The following MYO18A variants were observed in gnomAD, a reference collection of about 807,000 sequenced individuals.
MYO18A encodes the protein unconventional myosin-XVIIIa.
MYO18A carries 78 observed loss-of-function variants against 235.8 expected under a neutral mutation model. The observed-to-expected ratio is 0.33, with a 90% CI of 0.28 to 0.40. The LOEUF (loss-of-function observed/expected upper bound fraction) is 0.40. MYO18A is among the 10% of genes least tolerant of loss of function. The probability of loss-of-function intolerance (pLI) is 1.00; values close to 1 mark genes in which losing one functional copy is unlikely to be tolerated. For synonymous variants in MYO18A, 977 were observed against 1,077.8 expected (o/e 0.91, Z 1.83); for missense variants, 2,215 against 2,699.3 (o/e 0.82, Z 3.98).
intron 2 of MYO18A, among the ~76,000 whole-genome samples, chr17:29,154,272 T>C (rs1357005007): frequency 1.3e-5 from 2 of 152,044 alleles, no homozygotes; most frequent in Non-Finnish European, 2.9e-5. Flanking sequence ...GAGAGGCGTG[T>C]AGACAGGCCT....
In MYO18A at chr17:29,090,876, G is replaced by A. The variant is rs2066381555; in HGVS notation, c.5238C>T (p.Asn1746=). The change falls in exon 35 of 42, where the codon AAC becomes AAT. Residue 1746 remains asparagine (N), a synonymous_variant. Coordinates refer to ENST00000527372, the MANE Select transcript of MYO18A (RefSeq NM_078471.4). ...TGTCTTCCTGATCTTCCTCCAGCCG[G>A]TTCTGGATCTCATTCTTCTCACGCT... ...RLQREKNEIQ[N]RLEEDQEDMN... 11 of 1,613,932 alleles carry A rather than the reference G, an allele frequency of 6.8e-6. No homozygotes were observed. In the East Asian group the frequency reaches 2.2e-4, roughly 33 times the overall value.
At chr17:29,078,796 C>T (rs2066046306) in intron 41 of MYO18A, 2 of 152,278 alleles carry the variant, frequency 1.3e-5, no homozygotes. Flanking sequence ...CTAGATCTCC[C>T]TCCCCACAGG....
chr17:29,126,706 C>T lies in MYO18A; in HGVS notation c.1000-4453G>A, dbSNP rs1192562046. ...AGGGAAGTAGTGGCAAAACTTGATG[C>T]TCCTCTCCCACACCCTGGGAGGCCT... On this transcript the variant is annotated intron_variant, in intron 2 of 41. Transcript: ENST00000527372. The surrounding 1 kb of genome is among the most constrained non-coding windows in gnomAD (Gnocchi z 4.1). Among the ~76,000 whole-genome samples the T allele has an allele frequency of 7.2e-5, 11 of 152,168 alleles. No homozygotes were observed. Among genetic ancestry groups the T allele is most frequent in the Admixed American group, 7.2e-4 (11 of 15,288 alleles).
intron 1 of MYO18A, among the ~76,000 whole-genome samples, chr17:29,168,728 CT>C (rs1316745830): frequency 6.6e-6 from 1 of 152,240 alleles, no homozygotes; most frequent in Non-Finnish European, 1.5e-5. Flanking sequence ...TTGCTTCCCC[CT>C]GCCCAGCATC....
rs1329681818 is a variant in MYO18A at position 29,109,386 on chromosome 17, C to G, written c.3331+472G>C. On this transcript the variant is annotated intron_variant, in intron 19 of 41. Coordinates refer to ENST00000527372, the MANE Select transcript of MYO18A (RefSeq NM_078471.4). The surrounding 1 kb of genome is among the most constrained non-coding windows in gnomAD (Gnocchi z 4.1). ...GACTCTAAGTAACCACTAATACTAT[C>G]ATCCTGTCTGTCGCCTCCTTTAGAT... is the stretch of plus-strand genomic sequence containing the variant. 2.0e-5 allele frequency among the ~76,000 whole-genome samples: 3 copies of G among 152,220 alleles called. No individual in the cohort carries two copies. Among genetic ancestry groups the G allele is most frequent in the Non-Finnish European group, 4.4e-5 (3 of 68,046 alleles).
chr17:29,121,345 G>A lies in MYO18A; in HGVS notation c.1372-134C>T, dbSNP rs911770310. On this transcript the variant is annotated intron_variant, in intron 5 of 41. Coordinates refer to ENST00000527372, the MANE Select transcript of MYO18A (RefSeq NM_078471.4). This position sits in a 1 kb window ranked among gnomAD's most constrained non-coding sequence, Gnocchi z 4.2. ...CCAGGGATTCCAAGGCCAAGGCCAT[G>A]CATGGAAATGAAGACACTAAGTCCT... is the stretch of plus-strand genomic sequence containing the variant. 3 of 1,140,132 alleles carry A rather than the reference G, an allele frequency of 2.6e-6. No homozygotes were observed. Among genetic ancestry groups the A allele is most frequent in the African/African-American group, 3.1e-5 (2 of 64,520 alleles). 70.6% of individuals were successfully genotyped at this position (1,140,132 alleles called of 1,614,324 possible).
intron 13 of MYO18A, 42 bp from the exon 14 acceptor site, chr17:29,115,141 C>G (rs1437518443): frequency 6.4e-7 from 1 of 1,569,694 alleles, no homozygotes; most frequent in African/African-American, 1.4e-5. Context: ...CTGGTTGGCC[C>G]CGGGCACCAG....
chr17:29,173,242 G>A lies in MYO18A; in HGVS notation c.-81-6221C>T, dbSNP rs897193239. On this transcript the variant is annotated intron_variant, in intron 1 of 41. Coordinates refer to ENST00000527372, the MANE Select transcript of MYO18A (RefSeq NM_078471.4). Reference sequence around the variant, plus strand: ...TGAGTAGCTGGAATTACAGGCATGCGCCACCATGACCGGCTAATTTTGTAT... The same window carrying A: ...TGAGTAGCTGGAATTACAGGCATGCACCACCATGACCGGCTAATTTTGTAT... Among the ~76,000 whole-genome samples the A allele has an allele frequency of 5.3e-5, 8 of 151,574 alleles. No homozygotes were observed. The South Asian group carries it at 8.4e-4, about 16-fold the overall frequency.
intron 2 of MYO18A, among the ~76,000 whole-genome samples, chr17:29,133,476 GT>G (rs1895369902): frequency 1.3e-5 from 2 of 152,294 alleles, no homozygotes; most frequent in East Asian, 3.9e-4. Context: ...AGCAGCCCAC[GT>G]TCCAGGGGTG....
At chr17:29,130,317 A>G (rs1207009319) in intron 2 of MYO18A, among the ~76,000 whole-genome samples, 4 of 151,288 alleles carry the variant, frequency 2.6e-5, no homozygotes, top group Non-Finnish European at 5.9e-5. Context: ...AAAAAAAAAA[A>G]AAAAAAGAAA....
rs574736137 is a variant in MYO18A at position 29,124,995 on chromosome 17, C to T, written c.1000-2742G>A. On this transcript the variant is annotated intron_variant, in intron 2 of 41. Coordinates refer to ENST00000527372, the MANE Select transcript of MYO18A (RefSeq NM_078471.4). Reference sequence around the variant, plus strand: ...AGGAGTCTGCCACTCTGCCTCTGGCCGCAGTCTCTCCTGGGCTGGCCATCC... The same window carrying T: ...AGGAGTCTGCCACTCTGCCTCTGGCTGCAGTCTCTCCTGGGCTGGCCATCC... Among the ~76,000 whole-genome samples the T allele has an allele frequency of 1.1e-4, 16 of 152,300 alleles. No individual in the cohort carries two copies. The South Asian group carries it at 2.5e-3, about 24-fold the overall frequency.
intron 2 of MYO18A, among the ~76,000 whole-genome samples, chr17:29,130,590 G>A (rs1355441982): frequency 1.3e-5 from 2 of 151,770 alleles, no homozygotes; most frequent in Non-Finnish European, 2.9e-5. Context: ...AAGCCACAGT[G>A]CCTGGCTAAT....
In MYO18A at chr17:29,074,886, G is replaced by A; in HGVS notation, c.6049C>T (p.Pro2017Ser). The change falls in exon 42 of 42, where the codon CCT becomes TCT. Residue 2017 changes from proline (P) to serine (S), a missense_variant. By Grantham distance (74) the Pro-to-Ser change is moderately conservative (BLOSUM62 -1). Transcript: ENST00000527372. This position sits in a 1 kb window ranked among gnomAD's most constrained non-coding sequence, Gnocchi z 4.4. Reference protein sequence around the residue: ...SPTSYWKSLAPDRSDDEHDPL... With the variant: ...SPTSYWKSLASDRSDDEHDPL... The stretch of plus-strand genomic sequence containing the variant: ...TCGTGCTCATCATCTGACCGATCAG[G>A]GGCAAGGGACTTCCAGTAGCTGGTG... The A allele has an allele frequency of 5.0e-6, 8 of 1,613,954 alleles. No individual in the cohort carries two copies. The highest frequency in any genetic ancestry group is 5.9e-6 in the Non-Finnish European group (7 of 1,179,884).
chr17:29,086,401 C>T (rs376980405), intron 39 of MYO18A, 37 bp downstream of exon 39: 8 of 1,562,010 alleles, frequency 5.1e-6, no homozygotes, highest in African/African-American at 2.7e-5. Flanking sequence ...AGAGGGCCTC[C>T]GTGCTAGCTG....
chr17:29,101,494 A>AT (rs1240200095), intron 21 of MYO18A, among the ~76,000 whole-genome samples: 1 of 151,976 alleles, frequency 6.6e-6, no homozygotes, highest in African/African-American at 2.4e-5. Flanking sequence ...TTCAGTAGAG[A>AT]TGGGGTTTCA....
chr17:29,169,746 C>G (rs1176514337), intron 1 of MYO18A, among the ~76,000 whole-genome samples: 1 of 152,096 alleles, frequency 6.6e-6, no homozygotes, highest in Non-Finnish European at 1.5e-5. Context: ...AGTATCATGG[C>G]CTCAGTTCAA....
chr17:29,179,362 C>T (rs1027058462), intron 1 of MYO18A, among the ~76,000 whole-genome samples: 1 of 151,886 alleles, frequency 6.6e-6, no homozygotes, highest in Admixed American at 6.6e-5. Flanking sequence ...ATCTCCACCC[C>T]CAAAACAAAG....
At chr17:29,161,666 C>A (rs962916876) in intron 2 of MYO18A, among the ~76,000 whole-genome samples, 39 of 152,206 alleles carry the variant, frequency 2.6e-4, no homozygotes, top group African/African-American at 9.4e-4. Context: ...GGAGGACATG[C>A]CTCGTCCTAA....
chr17:29,086,861 G>A, intron 38 of MYO18A, 75 bp downstream of exon 38: 1 of 1,475,842 alleles, frequency 6.8e-7, no homozygotes, highest in Non-Finnish European at 9.1e-7. Context: ...CCTCAACCAG[G>A]CCAGAGTGAG....
Sources: gnomAD v4.1 joint callset for allele counts (sites outside exome capture counted in the v4.1 genomes callset) on GRCh38, gnomAD v4.1.1 for gene constraint, Gnocchi (gnomAD v3.1) non-coding constraint, MANE v1.5 for transcripts, NCBI Gene and HGNC (gene_info 2026-07-23, HGNC 2026-07-21) for gene names.